Variants in DIAPH3 observed in about 807,000 individuals in gnomAD.
DIAPH3 encodes diaphanous related formin 3, also known as protein diaphanous homolog 3.
Under a neutral mutation model 144.3 loss-of-function variants are expected in DIAPH3, and 117 were observed. That is an observed-to-expected ratio of 0.81 (90% confidence interval 0.70 to 0.95). The LOEUF (loss-of-function observed/expected upper bound fraction) is 0.95. DIAPH3 is among the 40% of genes least tolerant of loss of function. DIAPH3 has a pLI of 0.00. For missense variants in DIAPH3, 1,421 were observed against 1,412.7 expected, an observed-to-expected ratio of 1.01 and a Z score of -0.09; for synonymous variants, 519 against 488.9, an observed-to-expected ratio of 1.06 and a Z score of -0.81.
intron 7 of DIAPH3, among the ~76,000 whole-genome samples, chr13:60,012,385 C>T (rs1225973441): frequency 3.3e-5 from 5 of 152,152 alleles, no homozygotes; most frequent in African/African-American, 1.2e-4. Flanking sequence ...GCTAAACAGT[C>T]AGGAAATACT....
At chr13:59,777,039 G>A (rs1031568851) in intron 25 of DIAPH3, among the ~76,000 whole-genome samples, 52 of 152,172 alleles carry the variant, frequency 3.4e-4, no homozygotes, top group Non-Finnish European at 1.0e-4. Context: ...TAAAATCTTC[G>A]TTTCTAATGA....
chr13:59,949,460 A>G (rs752351036), intron 17 of DIAPH3, among the ~76,000 whole-genome samples: 2 of 152,186 alleles, frequency 1.3e-5, no homozygotes, highest in Non-Finnish European at 2.9e-5. Flanking sequence ...CTGCAATGGG[A>G]TCTACTATAA....
intron 24 of DIAPH3, among the ~76,000 whole-genome samples, chr13:59,817,891 C>A (rs2040861117): frequency 6.6e-6 from 1 of 151,792 alleles, no homozygotes; most frequent in Non-Finnish European, 1.5e-5. Flanking sequence ...TAAAGAAAAC[C>A]CAAATTCTAA....
chr13:59,698,561 C>A lies in DIAPH3; in HGVS notation c.3320-31715G>T, dbSNP rs566906591. Among the ~76,000 whole-genome samples, 80 of 152,224 alleles carry A rather than the reference C, an allele frequency of 5.3e-4. 1 individual carries two copies. Among genetic ancestry groups the A allele is most frequent in the African/African-American group, 1.9e-3 (80 of 41,542 alleles). ...AACAATACTTAACTAAGCAAAAATC[C>A]CTTTCATCTATCTTTTTAAAATCTC... On this transcript the variant is annotated intron_variant, in intron 27 of 27. Transcript: ENST00000400324.
At chr13:59,787,137 T>A (rs2039074164) in intron 25 of DIAPH3, among the ~76,000 whole-genome samples, 1 of 152,254 alleles carries the variant, frequency 6.6e-6, no homozygotes, top group South Asian at 2.1e-4. Context: ...TGTACTACAC[T>A]TGGTGATTCA....
intron 1 of DIAPH3, among the ~76,000 whole-genome samples, chr13:60,156,178 T>A (rs1472854559): frequency 6.6e-6 from 1 of 152,192 alleles, no homozygotes; most frequent in East Asian, 1.9e-4. Context: ...ATTACCAATC[T>A]CTGCCTCTGC....
chr13:59,790,525 G>C (rs1480413540), intron 25 of DIAPH3, among the ~76,000 whole-genome samples: 3 of 152,164 alleles, frequency 2.0e-5, no homozygotes, highest in African/African-American at 7.2e-5. Context: ...CATTTTAAAG[G>C]AGAAATGCAG....
chr13:60,128,452 C>G (rs913482066), intron 2 of DIAPH3, among the ~76,000 whole-genome samples: 2 of 152,128 alleles, frequency 1.3e-5, no homozygotes, highest in African/African-American at 4.8e-5. Context: ...GATCATACCT[C>G]ATTTTTTGAA....
chr13:60,134,088 C>T (rs1246323016), intron 1 of DIAPH3, among the ~76,000 whole-genome samples: 1 of 152,168 alleles, frequency 6.6e-6, no homozygotes, highest in African/African-American at 2.4e-5. Context: ...ATTCTCTTCT[C>T]CCTTTCTTTC....
intron 4 of DIAPH3, among the ~76,000 whole-genome samples, chr13:60,092,155 C>T (rs923729960): frequency 6.6e-6 from 1 of 151,896 alleles, no homozygotes; most frequent in Non-Finnish European, 1.5e-5. Flanking sequence ...TGTAGGTATT[C>T]CCATTTTATA....
At chr13:59,785,476 C>A (rs2038987252) in intron 25 of DIAPH3, among the ~76,000 whole-genome samples, 1 of 152,134 alleles carries the variant, frequency 6.6e-6, no homozygotes, top group African/African-American at 2.4e-5. Flanking sequence ...CTCCTTGTGC[C>A]TCCTCATACC....
Position 59,774,794 on chromosome 13 carries a change from G to A in DIAPH3, c.3193C>T (p.Leu1065=), listed in dbSNP as rs1476912547. The A allele has an allele frequency of 6.2e-7, 1 of 1,614,066 alleles. No homozygotes were observed. The highest frequency in any genetic ancestry group is 8.5e-7 in the Non-Finnish European group (1 of 1,180,030). The change falls in exon 26 of 28, where the codon CTG becomes TTG. Residue 1065 remains leucine (L), a synonymous_variant. Coordinates refer to ENST00000400324, the MANE Select transcript of DIAPH3 (RefSeq NM_001042517.2). ...EGDETGVMDN[L]LEALQSGAAF... ...GCCCCGGACTGCAAGGCCTCCAGCA[G>A]ATTATCCATCACTCCTGTCTCATCA... is the stretch of plus-strand genomic sequence containing the variant.
intron 27 of DIAPH3, among the ~76,000 whole-genome samples, chr13:59,734,084 T>G (rs2036022656): frequency 6.6e-6 from 1 of 152,250 alleles, no homozygotes; most frequent in Non-Finnish European, 1.5e-5. Flanking sequence ...TCATTGTGTT[T>G]AGTTCCTAAA....
At chr13:59,675,686 C>A (rs1008206304) in intron 27 of DIAPH3, among the ~76,000 whole-genome samples, 40 of 152,160 alleles carry the variant, frequency 2.6e-4, no homozygotes, top group Non-Finnish European at 1.8e-4. Flanking sequence ...TATCAACAAG[C>A]CCATTTTGTA....
intron 5 of DIAPH3, among the ~76,000 whole-genome samples, chr13:60,031,732 CTT>C (rs1165739891): frequency 0.033 from 2,097 of 64,214 alleles, 5 homozygotes; most frequent in Middle Eastern, 0.091. Flanking sequence ...GTCATTAAAT[CTT>C]TTTTTTTTTT....
At chr13:59,862,318 T>C (rs1337701945) in intron 21 of DIAPH3, among the ~76,000 whole-genome samples, 1 of 152,186 alleles carries the variant, frequency 6.6e-6, no homozygotes, top group Non-Finnish European at 1.5e-5. Context: ...GATTTTGATT[T>C]TGAAGCAATA....
intron 1 of DIAPH3, among the ~76,000 whole-genome samples, chr13:60,138,419 C>T (rs889987266): frequency 6.6e-6 from 1 of 152,174 alleles, no homozygotes; most frequent in Admixed American, 6.5e-5. Flanking sequence ...AAAAACTGGA[C>T]ATACCTGAAA....
intron 27 of DIAPH3, among the ~76,000 whole-genome samples, chr13:59,700,716 G>T (rs1477983595): frequency 2.0e-5 from 3 of 152,162 alleles, no homozygotes; most frequent in Admixed American, 6.5e-5. Flanking sequence ...ATATGGGAAA[G>T]AAATAAACCT....
chr13:60,085,234 C>A (rs769044529), intron 4 of DIAPH3, among the ~76,000 whole-genome samples: 2 of 152,074 alleles, frequency 1.3e-5, no homozygotes, highest in Non-Finnish European at 2.9e-5. Flanking sequence ...TAGAGAATTT[C>A]TTAGCAGCTA....
Sources: allele counts gnomAD v4.1 joint callset (sites outside exome capture counted in the v4.1 genomes callset), GRCh38; gene constraint gnomAD v4.1.1; transcripts MANE v1.5; gene names NCBI Gene and HGNC (gene_info 2026-07-23, HGNC 2026-07-21).